The following SLIT3 variants were observed in gnomAD, a reference collection of about 807,000 sequenced individuals.
SLIT3 encodes the protein slit homolog 3 protein.
Under a neutral mutation model 184.0 loss-of-function variants are expected in SLIT3, and 68 were observed. The ratio of observed to expected loss-of-function variants is 0.37; its 90% CI spans 0.30 to 0.45. SLIT3 has a LOEUF of 0.45. Among genes scored for constraint, SLIT3 ranks in the 20% least tolerant of loss-of-function variants. The pLI, the probability that SLIT3 is intolerant of heterozygous loss-of-function variation, is 1.00. For missense variants in SLIT3, 1,707 were observed against 2,026.0 expected, an observed-to-expected ratio of 0.84 and a Z score of 3.02; for synonymous variants, 831 against 828.6, an observed-to-expected ratio of 1.00 and a Z score of -0.05.
chr5:168,732,316 CACAA>C (rs765323431), intron 20 of SLIT3, among the ~76,000 whole-genome samples: 1 of 151,988 alleles, frequency 6.6e-6, no homozygotes, highest in Non-Finnish European at 1.5e-5. Flanking sequence ...TTGTAGACAA[CACAA>C]ACAAATGGAA....
intron 1 of SLIT3, among the ~76,000 whole-genome samples, chr5:169,282,908 C>A (rs185619107): frequency 6.6e-6 from 1 of 152,194 alleles, no homozygotes; most frequent in South Asian, 2.1e-4. Flanking sequence ...ATCCCAACAT[C>A]CAAAAAGCAC....
intron 4 of SLIT3, among the ~76,000 whole-genome samples, chr5:169,108,744 C>T (rs553515405): frequency 1.3e-5 from 2 of 152,254 alleles, no homozygotes; most frequent in South Asian, 4.2e-4. Context: ...AGCCACCTCC[C>T]CCTCATTGCA....
intron 4 of SLIT3, among the ~76,000 whole-genome samples, chr5:169,105,422 T>C (rs143361797): frequency 1.4e-4 from 22 of 152,336 alleles, no homozygotes; most frequent in African/African-American, 4.3e-4. Flanking sequence ...TTTATCCTCA[T>C]GGAAAAAGCA....
At chr5:168,815,760 G>A (rs889520315) in intron 8 of SLIT3, among the ~76,000 whole-genome samples, 4 of 152,260 alleles carry the variant, frequency 2.6e-5, no homozygotes, top group African/African-American at 9.6e-5. Flanking sequence ...TATCGCAAGT[G>A]TGATCTAAGA....
At chr5:169,179,015 G>A (rs1008304514) in intron 4 of SLIT3, among the ~76,000 whole-genome samples, 1 of 152,200 alleles carries the variant, frequency 6.6e-6, no homozygotes, top group Non-Finnish European at 1.5e-5. Context: ...GGATGTAGGA[G>A]AAGAACAAAC....
At position 169,300,447 on chromosome 5, in the gene SLIT3, G is replaced by A; in HGVS notation, c.197+66C>T. 1.4e-6 allele frequency: 2 copies of A among 1,387,068 alleles called. No individual in the cohort carries two copies. Among genetic ancestry groups the A allele is most frequent in the Non-Finnish European group, 9.3e-7 (1 of 1,072,976 alleles). 85.9% of individuals were successfully genotyped at this position (1,387,068 alleles called of 1,614,324 possible). On this transcript the variant is annotated intron_variant, in intron 1 of 35. Transcript: ENST00000519560. This position sits in a 1 kb window ranked among gnomAD's most constrained non-coding sequence, Gnocchi z 4.1. ...AGGCCGAGGGGAAAGGACGGATCTG[G>A]CGCCTGGGGCCCCCTCGGTGGGACC... is the stretch of plus-strand genomic sequence containing the variant.
At chr5:168,691,146 A>G (rs555182258) in intron 29 of SLIT3, among the ~76,000 whole-genome samples, 2 of 152,292 alleles carry the variant, frequency 1.3e-5, no homozygotes, top group East Asian at 1.9e-4. Flanking sequence ...CCCTAGGTCC[A>G]TGGCAAGGGC....
At chr5:169,162,413 C>T (rs1762509807) in intron 4 of SLIT3, among the ~76,000 whole-genome samples, 1 of 152,162 alleles carries the variant, frequency 6.6e-6, no homozygotes. Context: ...CTTCCTGTCT[C>T]CAGGTTATCA....
intron 4 of SLIT3, among the ~76,000 whole-genome samples, chr5:169,166,916 A>G (rs1762655940): frequency 6.6e-6 from 1 of 152,110 alleles, no homozygotes; most frequent in Admixed American, 6.5e-5. Flanking sequence ...CTGTAATCCC[A>G]CAGTGCTCGG....
intron 4 of SLIT3, among the ~76,000 whole-genome samples, chr5:169,138,541 G>A (rs1024654267): frequency 2.0e-5 from 3 of 152,108 alleles, no homozygotes; most frequent in African/African-American, 4.8e-5. Flanking sequence ...CTCTGGGAAA[G>A]TGATCTAAGA....
intron 12 of SLIT3, among the ~76,000 whole-genome samples, chr5:168,776,835 A>AT (rs377141607): frequency 7.9e-5 from 12 of 151,976 alleles, no homozygotes; most frequent in Admixed American, 2.6e-4. Flanking sequence ...CAGTGTTTTG[A>AT]TTTTTTTTAA....
At chr5:168,935,067 G>A (rs1762109748) in intron 4 of SLIT3, among the ~76,000 whole-genome samples, 2 of 150,416 alleles carry the variant, frequency 1.3e-5, no homozygotes, top group Non-Finnish European at 1.5e-5. Flanking sequence ...GAACCCGGGA[G>A]GTGGAGGTTG....
intron 3 of SLIT3, among the ~76,000 whole-genome samples, chr5:169,229,660 C>CT (rs1051193242): frequency 1.4e-4 from 21 of 150,976 alleles, no homozygotes; most frequent in Non-Finnish European, 2.1e-4. Context: ...CTCTCTCTCT[C>CT]TCTCTCTCTC....
At chr5:169,160,669 G>A (rs1762448028) in intron 4 of SLIT3, among the ~76,000 whole-genome samples, 1 of 152,220 alleles carries the variant, frequency 6.6e-6, no homozygotes. Context: ...AATGAATCAA[G>A]TGATACAACC....
chr5:169,258,161 G>A (rs1428633801), intron 1 of SLIT3, among the ~76,000 whole-genome samples: 3 of 152,182 alleles, frequency 2.0e-5, no homozygotes, highest in South Asian at 2.1e-4. Context: ...TACCAGGGAA[G>A]TGGGTAATGC....
chr5:168,829,192 C>T (rs115807710), intron 6 of SLIT3, among the ~76,000 whole-genome samples: 39 of 152,320 alleles, frequency 2.6e-4, no homozygotes, highest in African/African-American at 7.7e-4. Flanking sequence ...CTGTCTCCTC[C>T]GATTAGGCCA....
chr5:168,962,020 A>G (rs1185458573), intron 4 of SLIT3, among the ~76,000 whole-genome samples: 1 of 152,118 alleles, frequency 6.6e-6, no homozygotes, highest in Admixed American at 6.5e-5. Flanking sequence ...TGGCTCCTCC[A>G]CGGTACAGAA....
At position 169,285,388 on chromosome 5, in the gene SLIT3, G is replaced by A. The variant is rs1292603719; in HGVS notation, c.197+15125C>T. On this transcript the variant is annotated intron_variant, in intron 1 of 35. Transcript: ENST00000519560. ...AGAAATGCCAGCTCCTGTCCTCAAG[G>A]AACTTTTTGTCTACTTAAGAGATTA... 3.9e-5 allele frequency among the ~76,000 whole-genome samples: 6 copies of A among 152,268 alleles called. No homozygotes were observed. The South Asian group carries it at 6.2e-4, about 16-fold the overall frequency.
At chr5:169,171,932 A>G (rs1318634606) in intron 4 of SLIT3, among the ~76,000 whole-genome samples, 1 of 152,136 alleles carries the variant, frequency 6.6e-6, no homozygotes, top group East Asian at 1.9e-4. Flanking sequence ...GAGTTGAGAA[A>G]GTGTGAAGGG....
Sources: allele counts gnomAD v4.1 joint callset (sites outside exome capture counted in the v4.1 genomes callset), GRCh38; gene constraint gnomAD v4.1.1; non-coding constraint Gnocchi (gnomAD v3.1); transcripts MANE v1.5; gene names NCBI Gene and HGNC (gene_info 2026-07-23, HGNC 2026-07-21).